RUNX3: variants seen among roughly 807,000 people sequenced by gnomAD.
The protein encoded by RUNX3 is RUNX family transcription factor 3.
In RUNX3, 10 loss-of-function variants were observed where a neutral mutation model predicts 27.7. The observed-to-expected ratio is 0.36, with a 90% confidence interval of 0.22 to 0.61. The LOEUF is 0.61. RUNX3 is among the 20% of genes least tolerant of loss of function. The probability of loss-of-function intolerance (pLI) is 0.72; values close to 1 mark genes in which losing one functional copy is unlikely to be tolerated. For missense variants in RUNX3, 469 were observed against 629.5 expected (o/e 0.75, Z 2.73); for synonymous variants, 270 against 269.2 (o/e 1.00, Z -0.03).
rs1412530171 is a variant in RUNX3 at position 24,943,614 on chromosome 1, G to A, written c.59-13762C>T. Among the ~76,000 whole-genome samples, 2 of 152,166 alleles carry A rather than the reference G, an allele frequency of 1.3e-5. No homozygotes were observed. Among genetic ancestry groups the A allele is most frequent in the Non-Finnish European group, 1.5e-5 (1 of 68,022 alleles). On this transcript the variant is annotated intron_variant, in intron 2 of 6. Transcript: ENST00000338888. The surrounding 1 kb of genome is among the most constrained non-coding windows in gnomAD (Gnocchi z 4.6). ...GTTGGCCAGTGCGGAGAGGACCCCCGAAGATCTCTGAGGCTAGTCCCCTTG... is the reference window on the plus strand; with the variant it reads ...GTTGGCCAGTGCGGAGAGGACCCCCAAAGATCTCTGAGGCTAGTCCCCTTG...
chr1:24,937,448 G>GTAGGGTT (rs1641374370), intron 2 of RUNX3, among the ~76,000 whole-genome samples: 1 of 152,238 alleles, frequency 6.6e-6, no homozygotes, highest in South Asian at 2.1e-4. Context: ...ATCCCGGGGA[G>GTAGGGTT]TAGGGTTTCT....
At chr1:24,939,315 C>G (rs1641420848) in intron 2 of RUNX3, among the ~76,000 whole-genome samples, 1 of 152,242 alleles carries the variant, frequency 6.6e-6, no homozygotes, top group Non-Finnish European at 1.5e-5. Context: ...TGGACAAGCC[C>G]TCATGGAGGA....
Position 24,907,365 on chromosome 1 carries a change from C to T in RUNX3, c.597G>A (p.Gly199=). 6.2e-7 allele frequency: 1 copy of T among 1,613,942 alleles called. No individual in the cohort carries two copies. Among genetic ancestry groups the T allele is most frequent in the Non-Finnish European group, 8.5e-7 (1 of 1,180,004 alleles). The change falls in exon 4 of 5, where the codon GGG becomes GGA. Residue 199 remains glycine (G), a synonymous_variant. Coordinates refer to ENST00000308873, the MANE Select transcript of RUNX3 (RefSeq NM_004350.3). ...DQTKPFPDRF[G]DLERLRMRVT... ...CCCGCATGCGCAGCCGTTCCAGGTC[C>T]CCAAAGCGGTCAGGGAACGGCTTGG...
intron 2 of RUNX3, among the ~76,000 whole-genome samples, chr1:24,944,868 T>G (rs762222093): frequency 5.3e-5 from 8 of 152,200 alleles, no homozygotes; most frequent in Non-Finnish European, 1.2e-4. Context: ...GGGAGACTCA[T>G]AGAGAATTTC....
At chr1:24,928,438 C>A (rs1409565967) in intron 1 of RUNX3, among the ~76,000 whole-genome samples, 1 of 152,154 alleles carries the variant, frequency 6.6e-6, no homozygotes, top group East Asian at 1.9e-4. Context: ...CCCCCAGGAG[C>A]ACGGAGAGGC....
chr1:24,934,791 A>G (rs139737991), upstream of RUNX3, among the ~76,000 whole-genome samples: 10 of 152,276 alleles, frequency 6.6e-5, no homozygotes, highest in Admixed American at 2.0e-4. Flanking sequence ...TGGCTGAGTA[A>G]TGGGAAGAGC....
rs569870811 is a variant in RUNX3 at position 24,917,633 on chromosome 1, AC to A, written c.544+1606del. 4.6e-5 allele frequency among the ~76,000 whole-genome samples: 7 copies of A among 152,140 alleles called. No individual in the cohort carries two copies. In the South Asian group the frequency reaches 1.2e-3, roughly 27 times the overall value. On this transcript the variant is annotated intron_variant, in intron 3 of 4. Transcript: ENST00000308873. ...GGCTAAAGTGACGGATCCCTTGCTA[AC>A]CCCCACCGCTAAGTGCTTTCTATAG...
chr1:24,933,836 TCA>T (rs1641286837), upstream of RUNX3, among the ~76,000 whole-genome samples: 1 of 152,134 alleles, frequency 6.6e-6, no homozygotes, highest in South Asian at 2.1e-4. Flanking sequence ...ATATCCCGAA[TCA>T]CACAGGAGCC....
chr1:24,917,752 T>C (rs541422054), intron 3 of RUNX3, among the ~76,000 whole-genome samples: 1 of 152,318 alleles, frequency 6.6e-6, no homozygotes, highest in African/African-American at 2.4e-5. Context: ...CGGAGATGAC[T>C]AGCCCAAGGA....
In RUNX3 at chr1:24,902,038, G is replaced by C. The variant is rs181422943; in HGVS notation, c.*84C>G. The C allele has an allele frequency of 7.6e-6, 10 of 1,322,842 alleles. No homozygotes were observed. Among genetic ancestry groups the C allele is most frequent in the Middle Eastern group, 2.7e-4 (1 of 3,726 alleles). The allele number at this position is 1,322,842 out of a possible 1,614,324, so 81.9% of individuals were successfully genotyped here. The stretch of plus-strand genomic sequence containing the variant: ...ACCCTGGAGCGCAGGTCCCATTCCC[G>C]CCCGGAGCCTCGGAGCCGGCCCATC... On this transcript the variant is annotated 3_prime_UTR_variant, in exon 5 of 5. Transcript: ENST00000308873. The surrounding 1 kb of genome is among the most constrained non-coding windows in gnomAD (Gnocchi z 9.2).
chr1:24,919,331 G>C lies in RUNX3; in HGVS notation c.453C>G (p.Thr151=). The C allele has an allele frequency of 6.2e-7, 1 of 1,610,600 alleles. No individual in the cohort carries two copies. Among genetic ancestry groups the C allele is most frequent in the Non-Finnish European group, 8.5e-7 (1 of 1,178,076 alleles). The change falls in exon 3 of 5, where the codon ACC becomes ACG. Residue 151 remains threonine, a synonymous_variant. Transcript: ENST00000308873. ...VGRSGRGKSF[T]LTITVFTNPT... The stretch of plus-strand genomic sequence containing the variant: ...GGTTGGTGAACACAGTGATGGTCAG[G>C]GTGAAACTCTTCCCTGGGGAGAGTG...
intron 2 of RUNX3, among the ~76,000 whole-genome samples, chr1:24,956,930 C>T (rs911584159): frequency 2.0e-5 from 3 of 152,210 alleles, no homozygotes; most frequent in Non-Finnish European, 4.4e-5. Context: ...GCCAAGGAAT[C>T]AGGCAGACTG....
At chr1:24,953,362 T>TC (rs1641819747) in intron 2 of RUNX3, among the ~76,000 whole-genome samples, 1 of 26,304 alleles carries the variant, frequency 3.8e-5, no homozygotes, top group Non-Finnish European at 6.8e-5. Flanking sequence ...AGACTCCGTC[T>TC]GAAAAAAAAA....
In RUNX3 at chr1:24,916,442, G is replaced by T. The variant is rs955695056; in HGVS notation, c.544+2798C>A. ...GTGCTGACAGTCACCTTGGGCAAAA[G>T]GTTTTGCGCCCTGGCCTCTATCCTC... On this transcript the variant is annotated intron_variant, in intron 3 of 4. Coordinates refer to ENST00000308873, the MANE Select transcript of RUNX3 (RefSeq NM_004350.3). This position sits in a 1 kb window ranked among gnomAD's most constrained non-coding sequence, Gnocchi z 4.8. 3.3e-5 allele frequency among the ~76,000 whole-genome samples: 5 copies of T among 152,200 alleles called. No homozygotes were observed. Among genetic ancestry groups the T allele is most frequent in the African/African-American group, 1.2e-4 (5 of 41,440 alleles).
Position 24,902,773 on chromosome 1 carries a change from C to G in RUNX3, c.704-107G>C. ...TTCCCAAGGCCCATCTGGGGGACCC[C>G]TAGTTCTAGACCTGGCTCTCCTCTT... On this transcript the variant is annotated intron_variant, in intron 4 of 4. Coordinates refer to ENST00000308873, the MANE Select transcript of RUNX3 (RefSeq NM_004350.3). This position sits in a 1 kb window ranked among gnomAD's most constrained non-coding sequence, Gnocchi z 9.2. The G allele has an allele frequency of 9.8e-7, 1 of 1,022,000 alleles. No homozygotes were observed. The highest frequency in any genetic ancestry group is 1.4e-6 in the Non-Finnish European group (1 of 728,418). The allele number at this position is 1,022,000 out of a possible 1,614,324, so 63.3% of individuals were successfully genotyped here.
At chr1:24,935,130 C>T (rs531942999), upstream of RUNX3, among the ~76,000 whole-genome samples, 26 of 152,312 alleles carry the variant, frequency 1.7e-4, no homozygotes, top group African/African-American at 5.3e-4. Flanking sequence ...GCAAGCACCT[C>T]GAGGCAAAAC....
chr1:24,907,162 G>C (rs1283796348), intron 4 of RUNX3, 97 bp downstream of exon 4: 2 of 1,294,090 alleles, frequency 1.5e-6, no homozygotes, highest in Non-Finnish European at 2.1e-6. Flanking sequence ...TGCAGTGACT[G>C]ATCTTCGGAC....
intron 1 of RUNX3, 37 bp downstream of exon 1, chr1:24,929,550 A>G: frequency 6.5e-7 from 1 of 1,529,236 alleles, no homozygotes; most frequent in South Asian, 1.2e-5. Context: ...CCGGAGCCCC[A>G]GGGCCGGCGC....
upstream of RUNX3, among the ~76,000 whole-genome samples, chr1:24,930,474 GC>G (rs928397960): frequency 2.0e-5 from 3 of 151,904 alleles, no homozygotes; most frequent in Non-Finnish European, 4.4e-5. The surrounding 1 kb of genome is among the most constrained non-coding windows in gnomAD (Gnocchi z 4.1). Context: ...AGGCCCCAGT[GC>G]CACAGCCCAG....
Sources: gnomAD v4.1 joint callset for allele counts (sites outside exome capture counted in the v4.1 genomes callset) on GRCh38, gnomAD v4.1.1 for gene constraint, Gnocchi (gnomAD v3.1) non-coding constraint, MANE v1.5 for transcripts, NCBI Gene and HGNC (gene_info 2026-07-23, HGNC 2026-07-21) for gene names.